Variants in FZR1 observed in about 807,000 individuals in gnomAD.
FZR1 encodes the protein fizzy and cell division cycle 20 related 1, also known as fizzy-related protein homolog.
FZR1 carries 11 observed loss-of-function variants against 63.6 expected under a neutral mutation model. That is an observed-to-expected ratio of 0.17 (90% confidence interval 0.11 to 0.29). The LOEUF (loss-of-function observed/expected upper bound fraction) is 0.29. Ranked by LOEUF, FZR1 falls within the 10% of genes least tolerant of loss-of-function variation. The pLI is 1.00. For missense variants in FZR1, 440 were observed against 687.5 expected, an observed-to-expected ratio of 0.64 and a Z score of 4.03; for synonymous variants, 328 against 297.9, an observed-to-expected ratio of 1.10 and a Z score of -1.04.
In FZR1 at chr19:3,535,759, C is replaced by T; in HGVS notation, c.*923C>T. On this transcript the variant is annotated 3_prime_UTR_variant, in exon 14 of 14. Coordinates refer to ENST00000441788, the MANE Select transcript of FZR1 (RefSeq NM_016263.4). ...GCTGGGTGGCTGGGTCCTGTGGAGG[C>T]CAGCAGCGGTGTGGCCCCCGCCCCC... 6.6e-6 allele frequency: 1 copy of T among 152,498 alleles called. No homozygotes were observed. Among genetic ancestry groups the T allele is most frequent in the Non-Finnish European group, 1.5e-5 (1 of 68,142 alleles). 9.4% of individuals were successfully genotyped at this position (152,498 alleles called of 1,614,324 possible). A position where few individuals can be genotyped will look rare whatever the true frequency, so the allele number is the denominator to read the frequency against.
intron 1 of FZR1, 28 bp from the exon 2 acceptor site, chr19:3,522,928 C>A: frequency 8.3e-7 from 1 of 1,204,894 alleles, no homozygotes. Context: ...CCCTGCCCCA[C>A]TCACCTCTCC....
Position 3,536,665 on chromosome 19 carries a change from A to G in FZR1, c.*1829A>G, listed in dbSNP as rs913134001. ...GTTTGTGTTGGGGCTGGTTCTGCCC[A>G]TGCTAGGGGGTGGGGGAGCTCCCAG... is the stretch of plus-strand genomic sequence containing the variant. On this transcript the variant is annotated 3_prime_UTR_variant, in exon 14 of 14. Transcript: ENST00000441788. 6.6e-6 allele frequency: 1 copy of G among 152,408 alleles called. No individual in the cohort carries two copies. Among genetic ancestry groups the G allele is most frequent in the South Asian group, 2.1e-4 (1 of 4,834 alleles). The allele number at this position is 152,408 out of a possible 1,614,324, so 9.4% of individuals were successfully genotyped here.
chr19:3,512,242 C>T (rs575974441), intron 1 of FZR1, among the ~76,000 whole-genome samples: 12 of 152,324 alleles, frequency 7.9e-5, no homozygotes, highest in African/African-American at 2.4e-4. Flanking sequence ...GCCCAGCCAG[C>T]ATCCACTGAG....
chr19:3,524,568 C>G (rs2083133846), intron 2 of FZR1, among the ~76,000 whole-genome samples: 1 of 152,196 alleles, frequency 6.6e-6, no homozygotes, highest in African/African-American at 2.4e-5. Context: ...CGGAATATGA[C>G]CCTACGCAAG....
chr19:3,535,461 C>G lies in FZR1; in HGVS notation c.*625C>G, dbSNP rs2029910044. The G allele has an allele frequency of 6.5e-6, 1 of 153,850 alleles. No homozygotes were observed. 9.5% of individuals were successfully genotyped at this position (153,850 alleles called of 1,614,324 possible). ...CCACCTCTGCTGTCACTGCTCGAAGCAGCAGTCTCTCTGGAAGCATCTGTG... is the reference window on the plus strand; with the variant it reads ...CCACCTCTGCTGTCACTGCTCGAAGGAGCAGTCTCTCTGGAAGCATCTGTG... On this transcript the variant is annotated 3_prime_UTR_variant, in exon 14 of 14. Coordinates refer to ENST00000441788, the MANE Select transcript of FZR1 (RefSeq NM_016263.4).
At position 3,516,588 on chromosome 19, in the gene FZR1, G is replaced by C. The variant is rs563958106; in HGVS notation, c.-34-6368G>C. Among the ~76,000 whole-genome samples the C allele has an allele frequency of 1.3e-3, 200 of 152,260 alleles. No individual in the cohort carries two copies. Among genetic ancestry groups the C allele is most frequent in the South Asian group, 3.7e-3 (18 of 4,822 alleles). On this transcript the variant is annotated intron_variant, in intron 1 of 13. Coordinates refer to ENST00000441788, the MANE Select transcript of FZR1 (RefSeq NM_016263.4). The surrounding 1 kb of genome is among the most constrained non-coding windows in gnomAD (Gnocchi z 6.0). ...AGCAGCACCGGGCAAGTGTCCAGGT[G>C]AGGTGCCCCGGGAGGCCCCAGGCCC...
chr19:3,507,068 T>C (rs974981251), intron 1 of FZR1, among the ~76,000 whole-genome samples: 1 of 152,170 alleles, frequency 6.6e-6, no homozygotes, highest in Admixed American at 6.5e-5. Context: ...GTCACTGTTG[T>C]GTCCACCAGT....
In FZR1 at chr19:3,514,588, C is replaced by T. The variant is rs916695046; in HGVS notation, c.-35+8114C>T. On this transcript the variant is annotated intron_variant, in intron 1 of 13. Coordinates refer to ENST00000441788, the MANE Select transcript of FZR1 (RefSeq NM_016263.4). This position sits in a 1 kb window ranked among gnomAD's most constrained non-coding sequence, Gnocchi z 4.2. ...GGATTCCATGGACCCCCAAGAGACT[C>T]TGCGTCCCATGATCCTCTGCCCTGC... 6.6e-6 allele frequency among the ~76,000 whole-genome samples: 1 copy of T among 151,918 alleles called. No individual in the cohort carries two copies. Among genetic ancestry groups the T allele is most frequent in the Middle Eastern group, 3.2e-3 (1 of 316 alleles).
chr19:3,528,018 G>GCCTCCCAGCCACGGC (rs2083178950), intron 7 of FZR1, among the ~76,000 whole-genome samples: 1 of 151,538 alleles, frequency 6.6e-6, no homozygotes, highest in African/African-American at 2.4e-5. Flanking sequence ...CCCAGTCAGG[G>GCCTCCCAGCCACGGC]CCTCCCAGCC....
At chr19:3,524,186 C>T (rs954397834) in intron 2 of FZR1, among the ~76,000 whole-genome samples, 1 of 152,306 alleles carries the variant, frequency 6.6e-6, no homozygotes, top group East Asian at 1.9e-4. Context: ...AGTGCCGACC[C>T]TCGGTCTCCA....
Position 3,531,933 on chromosome 19 carries a change from G to T in FZR1, c.846G>T (p.Glu282Asp). The T allele has an allele frequency of 6.3e-7, 1 of 1,595,324 alleles. No individual in the cohort carries two copies. ...ARVGALAWNA[E>D]QLSSGSRDRM... is the part of the protein sequence containing the mutation. ...CAGGGGCGCTGGCCTGGAATGCTGA[G>T]CAGCTGTCGTCCGGGAGCCGCGACC... Residue 282 changes from glutamate (E) to aspartate (D), a missense_variant, in exon 10 of 14, where the codon GAG (glutamate) becomes GAT (aspartate). This residue lies in a region of FZR1 where 208 missense variants were observed against 363.6 expected (regional missense o/e 0.57). Coordinates refer to ENST00000441788, the MANE Select transcript of FZR1 (RefSeq NM_016263.4).
chr19:3,534,602 C>T (rs1040391238), intron 13 of FZR1, 89 bp downstream of exon 13: 6 of 968,126 alleles, frequency 6.2e-6, no homozygotes, highest in East Asian at 2.6e-5. Flanking sequence ...GCGTACCCTC[C>T]TCTGGGTTCC....
Position 3,532,601 on chromosome 19 carries a change from C to T in FZR1, c.1193C>T (p.Thr398Met), listed in dbSNP as rs1412327723. The T allele has an allele frequency of 1.9e-6, 3 of 1,612,654 alleles. No homozygotes were observed. Among genetic ancestry groups the T allele is most frequent in the Non-Finnish European group, 2.5e-6 (3 of 1,179,792 alleles). ...GGACAACCACTGCAGTGTATCGACA[C>T]GGGCTCCCAAGTGTGCAATCTGGCC... ...LTGQPLQCID[T>M]GSQVCNLAWS... The change falls in exon 11 of 14, where the codon ACG (threonine) becomes ATG (methionine). Residue 398 changes from threonine to methionine, a missense_variant. Thr to Met is a moderately conservative substitution (Grantham distance 81). Transcript: ENST00000441788.
chr19:3,515,739 C>A lies in FZR1; in HGVS notation c.-34-7217C>A, dbSNP rs2083054240. On this transcript the variant is annotated intron_variant, in intron 1 of 13. Coordinates refer to ENST00000441788, the MANE Select transcript of FZR1 (RefSeq NM_016263.4). The surrounding 1 kb of genome is among the most constrained non-coding windows in gnomAD (Gnocchi z 4.6). Reference sequence around the variant, plus strand: ...AGAGATCGCACCACTGCAGTCCAGCCTGGGTGACAGAGCCAGACTCCGTCT... The same window carrying A: ...AGAGATCGCACCACTGCAGTCCAGCATGGGTGACAGAGCCAGACTCCGTCT... 6.6e-6 allele frequency among the ~76,000 whole-genome samples: 1 copy of A among 150,696 alleles called. No individual in the cohort carries two copies. Among genetic ancestry groups the A allele is most frequent in the African/African-American group, 2.5e-5 (1 of 40,782 alleles).
rs914973356 is a variant in FZR1, at chr19:3,514,431, G to A, written c.-35+7957G>A. 1.3e-5 allele frequency among the ~76,000 whole-genome samples: 2 copies of A among 152,158 alleles called. No homozygotes were observed. Among genetic ancestry groups the A allele is most frequent in the African/African-American group, 2.4e-5 (1 of 41,418 alleles). On this transcript the variant is annotated intron_variant, in intron 1 of 13. Transcript: ENST00000441788. The surrounding 1 kb of genome is among the most constrained non-coding windows in gnomAD (Gnocchi z 4.2). ...CGTCCTGGGCACTACAGGGTGCTGA[G>A]CAGCGTCCCTGGCCTCCACCCACTC... is the stretch of plus-strand genomic sequence containing the variant.
At position 3,515,255 on chromosome 19, in the gene FZR1, C is replaced by T. The variant is rs2083050723; in HGVS notation, c.-34-7701C>T. ...TAAACTCCCTCGACCCGGTCTGAGC[C>T]TTTCCACACGGCCACACACGTTGTC... is the stretch of plus-strand genomic sequence containing the variant. On this transcript the variant is annotated intron_variant, in intron 1 of 13. Coordinates refer to ENST00000441788, the MANE Select transcript of FZR1 (RefSeq NM_016263.4). This position sits in a 1 kb window ranked among gnomAD's most constrained non-coding sequence, Gnocchi z 4.6. Among the ~76,000 whole-genome samples, 1 of 152,254 alleles carries T rather than the reference C, an allele frequency of 6.6e-6. No individual in the cohort carries two copies. Among genetic ancestry groups the T allele is most frequent in the African/African-American group, 2.4e-5 (1 of 41,458 alleles).
chr19:3,512,862 C>T (rs1254703870), intron 1 of FZR1, among the ~76,000 whole-genome samples: 1 of 152,200 alleles, frequency 6.6e-6, no homozygotes, highest in Non-Finnish European at 1.5e-5. Flanking sequence ...TCATAAATGA[C>T]ACTCCTGGGC....
rs1255548396 is a variant in FZR1 at position 3,525,365 on chromosome 19, T to C, written c.70-503T>C. ...CGTGGGCCTGGCATCTCCCGGAGGC[T>C]TCTGGCACAGAAATCCCTGACCATG... is the stretch of plus-strand genomic sequence containing the variant. On this transcript the variant is annotated intron_variant, in intron 2 of 13. Coordinates refer to ENST00000441788, the MANE Select transcript of FZR1 (RefSeq NM_016263.4). This position sits in a 1 kb window ranked among gnomAD's most constrained non-coding sequence, Gnocchi z 4.2. Among the ~76,000 whole-genome samples, 4 of 151,736 alleles carry C rather than the reference T, an allele frequency of 2.6e-5. No individual in the cohort carries two copies. Among genetic ancestry groups the C allele is most frequent in the Non-Finnish European group, 4.4e-5 (3 of 67,970 alleles).
Position 3,532,403 on chromosome 19 carries a change from C to G in FZR1, c.1009-14C>G, listed in dbSNP as rs756280852. The G allele has an allele frequency of 1.3e-6, 2 of 1,581,434 alleles. No homozygotes were observed. Among genetic ancestry groups the G allele is most frequent in the Non-Finnish European group, 1.7e-6 (2 of 1,160,868 alleles). The stretch of plus-strand genomic sequence containing the variant: ...GGCTGGGACAGCCCCGGCCTCACAG[C>G]CCCTGTCCCCCAGCTGCTGGTCTGG... On this transcript the variant is annotated splice_polypyrimidine_tract_variant and intron_variant, in intron 10 of 13. Transcript: ENST00000441788.
Sources: allele counts gnomAD v4.1 joint callset (sites outside exome capture counted in the v4.1 genomes callset), GRCh38; gene constraint gnomAD v4.1.1; regional missense constraint gnomAD v4.1.1; non-coding constraint Gnocchi (gnomAD v3.1); transcripts MANE v1.5; gene names NCBI Gene and HGNC (gene_info 2026-07-23, HGNC 2026-07-21).